CDH10: variants seen among roughly 807,000 people sequenced by gnomAD.
CDH10 encodes cadherin-10.
In CDH10, 30 loss-of-function variants were observed where a neutral mutation model predicts 73.1. The observed-to-expected ratio is 0.41, with a 90% CI of 0.31 to 0.56. CDH10 has a LOEUF of 0.56. CDH10 is among the 20% of genes least tolerant of loss of function. CDH10 has a pLI of 0.27. For synonymous variants in CDH10, 345 were observed against 348.2 expected, an observed-to-expected ratio of 0.99 and a Z score of 0.10; for missense variants, 815 against 973.7, an observed-to-expected ratio of 0.84 and a Z score of 2.17.
At chr5:24,498,293 T>A (rs1162845406) in intron 9 of CDH10, 105 bp downstream of exon 9, 2 of 659,142 alleles carry the variant, frequency 3.0e-6, no homozygotes, top group African/African-American at 3.6e-5. Flanking sequence ...GGACTCTATA[T>A]GAGTATTTCC....
At chr5:24,573,344 G>C (rs553642524) in intron 2 of CDH10, among the ~76,000 whole-genome samples, 2 of 152,080 alleles carry the variant, frequency 1.3e-5, no homozygotes, top group East Asian at 1.9e-4. Context: ...GATTTAGAGA[G>C]AAAAATGAAG....
chr5:24,629,171 C>A (rs1025534187), intron 1 of CDH10, among the ~76,000 whole-genome samples: 1 of 152,056 alleles, frequency 6.6e-6, no homozygotes, highest in Admixed American at 6.6e-5. Context: ...ATATCCTCTA[C>A]CATAAGCCTA....
chr5:24,641,205 A>G (rs1748039067), intron 1 of CDH10, among the ~76,000 whole-genome samples: 1 of 152,020 alleles, frequency 6.6e-6, no homozygotes, highest in African/African-American at 2.4e-5. Context: ...TCAAGGGCTC[A>G]TACTAAAATG....
intron 1 of CDH10, among the ~76,000 whole-genome samples, chr5:24,595,095 A>G (rs1001673224): frequency 6.6e-6 from 1 of 151,410 alleles, no homozygotes; most frequent in Non-Finnish European, 1.5e-5. Flanking sequence ...TTGTGAACAT[A>G]CTTATTTTGT....
At chr5:24,535,507 G>GC (rs1743919362) in intron 4 of CDH10, among the ~76,000 whole-genome samples, 196 bp downstream of exon 4, 2 of 152,100 alleles carry the variant, frequency 1.3e-5, no homozygotes, top group East Asian at 3.9e-4. Context: ...ATGCTTATAT[G>GC]TTCAAATATC....
At chr5:24,505,346 C>T in intron 7 of CDH10, 98 bp from the exon 8 acceptor site, 1 of 911,152 alleles carries the variant, frequency 1.1e-6, no homozygotes, top group South Asian at 1.4e-5. Context: ...CTGATAATTA[C>T]AGGAAAGAAC....
rs376615590 is a variant in CDH10 at position 24,487,624 on chromosome 5, A to G, written c.*39T>C. The G allele has an allele frequency of 2.6e-6, 4 of 1,555,186 alleles. No individual in the cohort carries two copies. Among genetic ancestry groups the G allele is most frequent in the Non-Finnish European group, 3.5e-6 (4 of 1,147,626 alleles). ...TGTGAAGTGGAGACAGCATGGGTAGAGTTACTTTCTCTTGTTTGAACAGAA... is the reference window on the plus strand; with the variant it reads ...TGTGAAGTGGAGACAGCATGGGTAGGGTTACTTTCTCTTGTTTGAACAGAA... On this transcript the variant is annotated 3_prime_UTR_variant, in exon 12 of 12. Coordinates refer to ENST00000264463, the MANE Select transcript of CDH10 (RefSeq NM_006727.5).
At chr5:24,510,224 C>T (rs140808233) in intron 6 of CDH10, among the ~76,000 whole-genome samples, 10 of 152,268 alleles carry the variant, frequency 6.6e-5, no homozygotes, top group Non-Finnish European at 1.3e-4. Context: ...TACATCTATG[C>T]TGTGATGTTT....
chr5:24,584,913 C>A (rs1329698567), intron 2 of CDH10, among the ~76,000 whole-genome samples: 1 of 151,632 alleles, frequency 6.6e-6, no homozygotes, highest in Non-Finnish European at 1.5e-5. Flanking sequence ...GTGGCATGAT[C>A]TTGGCTCACT....
intron 10 of CDH10, among the ~76,000 whole-genome samples, chr5:24,492,064 T>C (rs534121000): frequency 2.0e-5 from 3 of 152,336 alleles, no homozygotes; most frequent in Non-Finnish European, 2.9e-5. Context: ...CAGTACTGTT[T>C]TCAAAGTGGT....
In CDH10 at chr5:24,571,550, G is replaced by A. The variant is rs1745381248; in HGVS notation, c.231+21710C>T. 7.2e-5 allele frequency among the ~76,000 whole-genome samples: 11 copies of A among 152,156 alleles called. No homozygotes were observed. In the South Asian group the frequency reaches 2.3e-3, roughly 32 times the overall value. On this transcript the variant is annotated intron_variant, in intron 2 of 11. Transcript: ENST00000264463. The stretch of plus-strand genomic sequence containing the variant: ...GCAATTCAGAAGAAATTTTATATTG[G>A]CCATGAGAGCTAAATTTAAGACACT...
chr5:24,521,111 C>T (rs2111814196), intron 5 of CDH10, among the ~76,000 whole-genome samples: 1 of 152,112 alleles, frequency 6.6e-6, no homozygotes, highest in East Asian at 1.9e-4. Context: ...AAACAAAAAA[C>T]AGAAAAGCAA....
chr5:24,579,342 A>AAT (rs58478988), intron 2 of CDH10, among the ~76,000 whole-genome samples: 30,744 of 150,406 alleles, frequency 0.2, 3,724 homozygotes, highest in Admixed American at 0.28. Context: ...GGAAAACAAA[A>AAT]ATATATATAT....
At chr5:24,580,514 T>C (rs1745761111) in intron 2 of CDH10, among the ~76,000 whole-genome samples, 1 of 152,164 alleles carries the variant, frequency 6.6e-6, no homozygotes, top group Non-Finnish European at 1.5e-5. Context: ...GTTACTGGTT[T>C]GTTATACAGA....
intron 1 of CDH10, among the ~76,000 whole-genome samples, chr5:24,619,866 G>T (rs564674384): frequency 6.6e-6 from 1 of 152,060 alleles, no homozygotes; most frequent in African/African-American, 2.4e-5. Context: ...AGAGGGCCTC[G>T]CCGTATACTG....
At chr5:24,555,771 T>C (rs548771280) in intron 2 of CDH10, among the ~76,000 whole-genome samples, 19 of 151,976 alleles carry the variant, frequency 1.3e-4, no homozygotes, top group Non-Finnish European at 1.5e-4. Context: ...GAATTAGCTT[T>C]CAATCTCTAG....
chr5:24,570,050 G>A (rs1745315982), intron 2 of CDH10, among the ~76,000 whole-genome samples: 1 of 152,112 alleles, frequency 6.6e-6, no homozygotes, highest in Admixed American at 6.5e-5. Flanking sequence ...ACAGGCGTGA[G>A]CCACTGCGCC....
intron 2 of CDH10, among the ~76,000 whole-genome samples, chr5:24,552,152 C>A (rs75256881): frequency 0.025 from 3,759 of 152,052 alleles, 69 homozygotes; most frequent in Middle Eastern, 0.1. Context: ...TTTAGGACAT[C>A]TTAATGTCTT....
chr5:24,589,936 A>G (rs1746143983), intron 2 of CDH10, among the ~76,000 whole-genome samples: 1 of 152,114 alleles, frequency 6.6e-6, no homozygotes, highest in South Asian at 2.1e-4. Flanking sequence ...GAAGTTCAAC[A>G]TGTGAAGCTC....
Sources: gnomAD v4.1 joint callset for allele counts (sites outside exome capture counted in the v4.1 genomes callset) on GRCh38, gnomAD v4.1.1 for gene constraint, MANE v1.5 for transcripts, NCBI Gene and HGNC (gene_info 2026-07-23, HGNC 2026-07-21) for gene names.